PCLO: variants seen among roughly 807,000 people sequenced by gnomAD.
PCLO encodes piccolo presynaptic cytomatrix protein, also known as protein piccolo.
A neutral mutation model predicts 427.5 loss-of-function variants in PCLO; 82 were observed. That is an observed-to-expected ratio of 0.19 (90% confidence interval 0.16 to 0.23). The LOEUF is 0.23. Among genes scored for constraint, PCLO ranks in the 10% least tolerant of loss-of-function variants. The pLI, the probability that PCLO is intolerant of heterozygous loss-of-function variation, is 1.00. For synonymous variants in PCLO, 2,357 were observed against 2,155.4 expected (o/e 1.09, Z -2.59); for missense variants, 6,239 against 6,115.9 (o/e 1.02, Z -0.67).
Position 82,817,191 on chromosome 7 carries a change from T to C in PCLO, c.14791+5304A>G, listed in dbSNP as rs192545588. On this transcript the variant is annotated intron_variant, in intron 20 of 24. Coordinates refer to ENST00000333891, the MANE Select transcript of PCLO (RefSeq NM_033026.6). ...CTCAGATTTTGTTGGATGTTTGCTATGCGCATGTCATTACAGTTTGAATTT... is the reference window on the plus strand; with the variant it reads ...CTCAGATTTTGTTGGATGTTTGCTACGCGCATGTCATTACAGTTTGAATTT... 1.1e-4 allele frequency among the ~76,000 whole-genome samples: 16 copies of C among 152,324 alleles called. 1 individual carries two copies. The highest frequency in any genetic ancestry group is 7.8e-4 in the Admixed American group (12 of 15,296).
At chr7:82,783,939 A>C (rs1289815643) in intron 22 of PCLO, among the ~76,000 whole-genome samples, 1 of 151,520 alleles carries the variant, frequency 6.6e-6, no homozygotes, top group East Asian at 1.9e-4. Flanking sequence ...TATGTATTAC[A>C]TGTATGTATA....
rs1481880832 is a variant in PCLO, at chr7:82,879,393, T to C, written c.13598A>G (p.Tyr4533Cys). Residue 4533 changes from tyrosine (Y) to cysteine (C), a missense_variant, in exon 10 of 25, where the codon TAT (tyrosine) becomes TGT (cysteine). Coordinates refer to ENST00000333891, the MANE Select transcript of PCLO (RefSeq NM_033026.6). Reference protein sequence around the residue: ...IPGHSGEIGAYIAKILPGGSA... With the variant: ...IPGHSGEIGACIAKILPGGSA... ...TCCCCCAGGAAGAATCTTGGCAATA[T>C]AGGCTCCAATTTCTCCACTATGTCC... The C allele has an allele frequency of 3.1e-6, 5 of 1,611,710 alleles. No homozygotes were observed. Among genetic ancestry groups the C allele is most frequent in the Non-Finnish European group, 4.2e-6 (5 of 1,178,226 alleles).
chr7:82,773,896 G>T (rs1790696036), intron 22 of PCLO, among the ~76,000 whole-genome samples: 1 of 152,028 alleles, frequency 6.6e-6, no homozygotes, highest in Admixed American at 6.6e-5. Context: ...AGAGCCCAGG[G>T]TACCTATATC....
At chr7:82,905,990 A>C (rs548617275) in intron 8 of PCLO, among the ~76,000 whole-genome samples, 3 of 151,524 alleles carry the variant, frequency 2.0e-5, no homozygotes, top group East Asian at 2.0e-4. Context: ...CTACCGAAGA[A>C]GGCAGAGGTT....
chr7:82,977,380 TTTTATTTATTTATTTATTTA>T (rs200252038), intron 3 of PCLO, among the ~76,000 whole-genome samples: 10 of 132,730 alleles, frequency 7.5e-5, no homozygotes, highest in East Asian at 2.2e-4. Context: ...AATTCATCTT[TTTTATTTATTTATTTATTTA>T]TTTATTTATT....
chr7:82,841,868 A>G (rs987632042), intron 13 of PCLO, among the ~76,000 whole-genome samples: 1 of 152,136 alleles, frequency 6.6e-6, no homozygotes, highest in Non-Finnish European at 1.5e-5. Flanking sequence ...TTCAACAAAT[A>G]AAAGATTGGT....
chr7:82,786,212 G>A (rs545076088), intron 22 of PCLO, among the ~76,000 whole-genome samples: 6 of 152,208 alleles, frequency 3.9e-5, no homozygotes, highest in East Asian at 3.9e-4. Context: ...TTGCCTAACC[G>A]TGGAAATGAG....
intron 3 of PCLO, among the ~76,000 whole-genome samples, chr7:83,029,661 C>G (rs1264706395): frequency 7.9e-6 from 1 of 125,920 alleles, no homozygotes; most frequent in Non-Finnish European, 1.6e-5. Flanking sequence ...CACATGCACA[C>G]GTATGTTTAC....
At chr7:83,025,818 G>T (rs1227088452) in intron 3 of PCLO, among the ~76,000 whole-genome samples, 2 of 152,058 alleles carry the variant, frequency 1.3e-5, no homozygotes, top group Non-Finnish European at 2.9e-5. Context: ...TCAAAGAAAA[G>T]AATTTTCAAC....
chr7:82,817,472 G>A (rs1409279912), intron 20 of PCLO, among the ~76,000 whole-genome samples: 1 of 152,032 alleles, frequency 6.6e-6, no homozygotes, highest in Non-Finnish European at 1.5e-5. Context: ...ATGGGATGCT[G>A]ATTAGCTACT....
intron 20 of PCLO, among the ~76,000 whole-genome samples, chr7:82,808,319 C>A (rs991029437): frequency 6.6e-6 from 1 of 151,704 alleles, no homozygotes; most frequent in African/African-American, 2.4e-5. Flanking sequence ...ACAAAAATAG[C>A]TACATTATAA....
At chr7:83,016,263 GA>G (rs889117327) in intron 3 of PCLO, among the ~76,000 whole-genome samples, 10 of 149,652 alleles carry the variant, frequency 6.7e-5, no homozygotes, top group South Asian at 4.2e-4. Flanking sequence ...TAAAATGGGG[GA>G]AAAAAAAACA....
Position 82,979,575 on chromosome 7 carries a change from C to G in PCLO, c.3301-13088G>C, listed in dbSNP as rs910643886. On this transcript the variant is annotated intron_variant, in intron 3 of 24. Coordinates refer to ENST00000333891, the MANE Select transcript of PCLO (RefSeq NM_033026.6). The stretch of plus-strand genomic sequence containing the variant: ...ATTATACATTCTAAACATTCAGAAT[C>G]CAATCTTTCACTCAGCATATTTGCT... Among the ~76,000 whole-genome samples the G allele has an allele frequency of 8.5e-5, 13 of 152,268 alleles. 1 individual carries two copies. The highest frequency in any genetic ancestry group is 5.2e-4 in the Admixed American group (8 of 15,276).
chr7:82,847,069 T>G, intron 11 of PCLO, 70 bp downstream of exon 11: 1 of 773,408 alleles, frequency 1.3e-6, no homozygotes, highest in South Asian at 1.6e-5. Context: ...AGGTTCCACC[T>G]TAACAATTTT....
intron 21 of PCLO, 90 bp from the exon 22 acceptor site, chr7:82,801,681 A>C: frequency 1.3e-6 from 1 of 750,160 alleles, no homozygotes; most frequent in Non-Finnish European, 2.2e-6. Flanking sequence ...TGACATTGAT[A>C]GTAATGGCAA....
intron 3 of PCLO, among the ~76,000 whole-genome samples, chr7:82,985,899 T>G (rs1796246297): frequency 6.6e-6 from 1 of 152,124 alleles, no homozygotes; most frequent in South Asian, 2.1e-4. Flanking sequence ...CTTTTTCGAT[T>G]TTTGTAAATC....
At chr7:83,124,834 C>G (rs889522876) in intron 3 of PCLO, among the ~76,000 whole-genome samples, 10 of 152,118 alleles carry the variant, frequency 6.6e-5, no homozygotes, top group Admixed American at 6.5e-4. Context: ...GCTGCGATCT[C>G]GGCTCACTGC....
intron 3 of PCLO, among the ~76,000 whole-genome samples, chr7:82,975,632 T>C (rs1796000581): frequency 1.3e-5 from 2 of 152,182 alleles, no homozygotes; most frequent in Non-Finnish European, 2.9e-5. Flanking sequence ...TTGAACTATG[T>C]TTCCCAGAAT....
At chr7:82,865,219 G>A (rs983151102) in intron 10 of PCLO, among the ~76,000 whole-genome samples, 4 of 152,226 alleles carry the variant, frequency 2.6e-5, no homozygotes, top group African/African-American at 4.8e-5. Context: ...CGGGCATGGC[G>A]GCTTACACCT....
Sources: gnomAD v4.1 joint callset for allele counts (sites outside exome capture counted in the v4.1 genomes callset) on GRCh38, gnomAD v4.1.1 for gene constraint, MANE v1.5 for transcripts, NCBI Gene and HGNC (gene_info 2026-07-23, HGNC 2026-07-21) for gene names.